ADAMTS18: variants seen among roughly 807,000 people sequenced by gnomAD.
ADAMTS18 encodes ADAM metallopeptidase with thrombospondin type 1 motif 18, also known as A disintegrin and metalloproteinase with thrombospondin motifs 18.
Under a neutral mutation model 165.9 loss-of-function variants are expected in ADAMTS18, and 157 were observed. The ratio of observed to expected loss-of-function variants is 0.95; its 90% CI spans 0.83 to 1.08. ADAMTS18 has a LOEUF of 1.08. Ranked by LOEUF, ADAMTS18 falls within the 50% of genes least tolerant of loss-of-function variation. The pLI, the probability that ADAMTS18 is intolerant of heterozygous loss-of-function variation, is 0.00. For synonymous variants in ADAMTS18, 782 were observed against 578.2 expected (o/e 1.35, Z -5.06); for missense variants, 2,040 against 1,534.0 (o/e 1.33, Z -5.51).
At chr16:77,358,790 T>C (rs896424001) in intron 8 of ADAMTS18, among the ~76,000 whole-genome samples, 6 of 152,242 alleles carry the variant, frequency 3.9e-5, no homozygotes, top group Non-Finnish European at 8.8e-5. Context: ...ATTATACTTG[T>C]TCCAATGCAG....
intron 16 of ADAMTS18, among the ~76,000 whole-genome samples, chr16:77,301,891 C>T (rs1180959296): frequency 6.6e-6 from 1 of 151,736 alleles, no homozygotes; most frequent in Non-Finnish European, 1.5e-5. Context: ...ATACAAAACA[C>T]AACAGGTAGT....
chr16:77,429,465 G>A (rs2057712561), intron 3 of ADAMTS18, among the ~76,000 whole-genome samples: 1 of 152,152 alleles, frequency 6.6e-6, no homozygotes, highest in South Asian at 2.1e-4. Context: ...TAGAGGAACA[G>A]AAAAGATAAC....
At chr16:77,317,015 C>T (rs2055899164) in intron 16 of ADAMTS18, among the ~76,000 whole-genome samples, 1 of 152,160 alleles carries the variant, frequency 6.6e-6, no homozygotes, top group African/African-American at 2.4e-5. Context: ...TTCCTCTGCT[C>T]TTTACCTGGT....
chr16:77,313,043 C>T (rs2055812549), intron 16 of ADAMTS18, among the ~76,000 whole-genome samples: 1 of 152,118 alleles, frequency 6.6e-6, no homozygotes, highest in Non-Finnish European at 1.5e-5. Context: ...CGGAACCAAC[C>T]CAAATGTCCA....
At chr16:77,332,418 C>A (rs1460955230) in intron 12 of ADAMTS18, among the ~76,000 whole-genome samples, 1 of 152,134 alleles carries the variant, frequency 6.6e-6, no homozygotes, top group African/African-American at 2.4e-5. Flanking sequence ...GATCCCAGAA[C>A]CTTTTGGTGA....
rs932645631 is a variant in ADAMTS18 at position 77,283,780 on chromosome 16, G to A, written c.*176C>T. The A allele has an allele frequency of 8.2e-6, 5 of 606,380 alleles. No homozygotes were observed. The African/African-American group carries it at 9.3e-5, about 11-fold the overall frequency. The allele number at this position is 606,380 out of a possible 1,614,324, so 37.6% of individuals were successfully genotyped here. On this transcript the variant is annotated 3_prime_UTR_variant, in exon 23 of 23. Coordinates refer to ENST00000282849, the MANE Select transcript of ADAMTS18 (RefSeq NM_199355.4). ...TGCTTCAGAGTACCACGTGCTTCAG[G>A]GAATTGAGCTAGAAGCCTACTGGCA...
At chr16:77,402,659 T>C (rs2057345956) in intron 3 of ADAMTS18, among the ~76,000 whole-genome samples, 1 of 152,260 alleles carries the variant, frequency 6.6e-6, no homozygotes, top group South Asian at 2.1e-4. Context: ...TTCCCTCATT[T>C]GATCAACTTG....
intron 22 of ADAMTS18, among the ~76,000 whole-genome samples, chr16:77,287,142 A>G (rs1206278376): frequency 2.0e-5 from 3 of 152,266 alleles, no homozygotes; most frequent in South Asian, 2.1e-4. Flanking sequence ...TGGAAGCTCC[A>G]TAAGGGGAGG....
chr16:77,288,829 T>C (rs2055305711), intron 22 of ADAMTS18, among the ~76,000 whole-genome samples: 1 of 152,256 alleles, frequency 6.6e-6, no homozygotes, highest in East Asian at 1.9e-4. Context: ...ATCACTAGGA[T>C]AGGCTGGGCA....
At chr16:77,393,578 G>A (rs2057218371) in intron 3 of ADAMTS18, among the ~76,000 whole-genome samples, 1 of 152,160 alleles carries the variant, frequency 6.6e-6, no homozygotes, top group African/African-American at 2.4e-5. Flanking sequence ...TTATAAAAGA[G>A]GTCCCAGAGA....
At chr16:77,342,065 T>A (rs1567498332) in intron 10 of ADAMTS18, among the ~76,000 whole-genome samples, 1 of 152,172 alleles carries the variant, frequency 6.6e-6, no homozygotes, top group Non-Finnish European at 1.5e-5. Flanking sequence ...ACACTTGGCT[T>A]GGAAGTGATA....
At chr16:77,418,208 T>C (rs2057555008) in intron 3 of ADAMTS18, among the ~76,000 whole-genome samples, 1 of 152,170 alleles carries the variant, frequency 6.6e-6, no homozygotes, top group Admixed American at 6.5e-5. Flanking sequence ...CATTCATACA[T>C]AGTCTCAGCA....
intron 3 of ADAMTS18, among the ~76,000 whole-genome samples, chr16:77,412,729 A>C (rs1039829241): frequency 3.9e-5 from 6 of 152,180 alleles, no homozygotes; most frequent in African/African-American, 1.4e-4. Context: ...AAACCATCAG[A>C]TCACATGAGA....
rs761150429 is a variant in ADAMTS18 at position 77,284,060 on chromosome 16, A to T, written c.3562T>A (p.Cys1188Ser). 14 of 1,610,384 alleles carry T rather than the reference A, an allele frequency of 8.7e-6. No homozygotes were observed. In the South Asian group the frequency reaches 1.2e-4, roughly 14 times the overall value. Residue 1188 changes from cysteine (C) to serine (S), a missense_variant, in exon 23 of 23, where the codon TGC (cysteine) becomes AGC (serine). Cys to Ser is a moderately radical substitution (Grantham distance 112, BLOSUM62 -1). Transcript: ENST00000282849. The stretch of plus-strand genomic sequence containing the variant: ...TGACACCAGTTGAAGAAATCTACGC[A>T]GGATGGATCCTCTAAAATAAGAAAA... ...PAPEKREDPS[C>S]VDFFNWCHLV...
At chr16:77,429,433 G>C (rs1282575142) in intron 3 of ADAMTS18, among the ~76,000 whole-genome samples, 1 of 152,144 alleles carries the variant, frequency 6.6e-6, no homozygotes, top group Non-Finnish European at 1.5e-5. Context: ...AGGTCTACTT[G>C]GGGGTGGAGG....
chr16:77,422,461 G>C (rs1294463626), intron 3 of ADAMTS18, among the ~76,000 whole-genome samples: 1 of 151,102 alleles, frequency 6.6e-6, no homozygotes, highest in Non-Finnish European at 1.5e-5. Context: ...ATCTAGCCTT[G>C]TTGAAAGCTA....
intron 13 of ADAMTS18, among the ~76,000 whole-genome samples, 178 bp downstream of exon 13, chr16:77,325,688 A>G (rs1198461108): frequency 6.6e-6 from 1 of 151,958 alleles, no homozygotes; most frequent in Non-Finnish European, 1.5e-5. Flanking sequence ...GAAAAAAAAA[A>G]AAACAACAGT....
chr16:77,398,134 T>G (rs1307690718), intron 3 of ADAMTS18, among the ~76,000 whole-genome samples: 1 of 152,026 alleles, frequency 6.6e-6, no homozygotes, highest in East Asian at 1.9e-4. Flanking sequence ...CTGGCCAACA[T>G]GATGAAATAT....
intron 3 of ADAMTS18, among the ~76,000 whole-genome samples, chr16:77,381,715 T>A (rs2057033393): frequency 6.6e-6 from 1 of 152,160 alleles, no homozygotes; most frequent in African/African-American, 2.4e-5. Flanking sequence ...GGCAGGGGAA[T>A]CACTTGAACC....
Sources: allele counts gnomAD v4.1 joint callset (sites outside exome capture counted in the v4.1 genomes callset), GRCh38; gene constraint gnomAD v4.1.1; transcripts MANE v1.5; gene names NCBI Gene and HGNC (gene_info 2026-07-23, HGNC 2026-07-21).